The following LRRC71 variants were observed in gnomAD, a reference collection of about 807,000 sequenced individuals.
LRRC71 encodes leucine-rich repeat-containing protein 71.
In LRRC71, 54 loss-of-function variants were observed where a neutral mutation model predicts 66.6. The ratio of observed to expected loss-of-function variants is 0.81; its 90% CI spans 0.65 to 1.02. LRRC71 has a LOEUF of 1.02. Ranked by LOEUF, LRRC71 falls within the 50% of genes least tolerant of loss-of-function variation. LRRC71 has a pLI of 0.00. For synonymous variants in LRRC71, 323 were observed against 303.9 expected, an observed-to-expected ratio of 1.06 and a Z score of -0.65; for missense variants, 724 against 718.0, an observed-to-expected ratio of 1.01 and a Z score of -0.10.
chr1:156,930,884 C>G (rs1431065383), intron 12 of LRRC71, among the ~76,000 whole-genome samples: 1 of 152,232 alleles, frequency 6.6e-6, no homozygotes, highest in Admixed American at 6.5e-5. Flanking sequence ...GATCTGCTGT[C>G]TCAACTCAGC....
intron 13 of LRRC71, 98 bp downstream of exon 13, chr1:156,932,125 C>T: frequency 2.0e-6 from 2 of 988,984 alleles, no homozygotes; most frequent in Admixed American, 2.2e-5. Context: ...CAGAGCTGGT[C>T]CTCCCATCTT....
At chr1:156,932,212 G>A (rs903084736) in intron 13 of LRRC71, 185 bp downstream of exon 13, 9 of 663,498 alleles carry the variant, frequency 1.4e-5, no homozygotes, top group Non-Finnish European at 2.1e-5. Flanking sequence ...GGAGGAGGCT[G>A]AGGACAGGCG....
rs145905660 is a variant in LRRC71 at position 156,924,694 on chromosome 1, C to G, written c.491C>G (p.Pro164Arg). 2.6e-6 allele frequency: 4 copies of G among 1,551,580 alleles called. No individual in the cohort carries two copies. The highest frequency in any genetic ancestry group is 2.4e-5 in the East Asian group (1 of 40,918). ...GGTGTCTTCTCTAAATGTCTGCCCC[C>G]GCTTACCCAGCTACAGGCCATCAAG... is the stretch of plus-strand genomic sequence containing the variant. ...ILGVFSKCLP[P>R]LTQLQAINLW... Residue 164 changes from proline to arginine, a missense_variant, in exon 4 of 15, where the codon CCG (proline) becomes CGG (arginine). Physicochemically the swap from Pro to Arg is moderately radical, Grantham distance 103. Coordinates refer to ENST00000337428, the MANE Select transcript of LRRC71 (RefSeq NM_144702.3).
chr1:156,934,828 A>G (rs1191395323), downstream of LRRC71: 1 of 151,776 alleles, frequency 6.6e-6, no homozygotes, highest in African/African-American at 2.4e-5. Context: ...CAAGAAACAC[A>G]CACACCACCA....
chr1:156,930,786 C>A (rs576566999), intron 12 of LRRC71, among the ~76,000 whole-genome samples, 169 bp downstream of exon 12: 1 of 152,310 alleles, frequency 6.6e-6, no homozygotes, highest in South Asian at 2.1e-4. Context: ...TCACCTGAAA[C>A]CCCCTCCCAT....
intron 4 of LRRC71, 43 bp from the exon 5 acceptor site, chr1:156,924,895 G>C (rs1356231775): frequency 5.2e-6 from 8 of 1,548,338 alleles, no homozygotes; most frequent in Admixed American, 3.9e-5. Context: ...CAGTAGGAGG[G>C]GGCGCTCTAG....
chr1:156,926,569 C>T (rs1387417957), intron 5 of LRRC71, among the ~76,000 whole-genome samples: 2 of 135,112 alleles, frequency 1.5e-5, no homozygotes, highest in Non-Finnish European at 3.1e-5. Flanking sequence ...TCCACCCCAC[C>T]CCCCACCTCT....
chr1:156,932,763 C>T (rs1333167057), intron 14 of LRRC71, 90 bp from the exon 15 acceptor site: 2 of 1,320,008 alleles, frequency 1.5e-6, no homozygotes, highest in Non-Finnish European at 2.1e-6. Flanking sequence ...CAGCCCCTAA[C>T]CCACCCTGCC....
chr1:156,935,133 G>A (rs890932067), downstream of LRRC71: 2 of 152,486 alleles, frequency 1.3e-5, no homozygotes, highest in East Asian at 1.9e-4. Context: ...CCACCTCCTG[G>A]GGCCCAGTCC....
downstream of LRRC71, among the ~76,000 whole-genome samples, chr1:156,936,493 AAAAAATATATATATAT>A (rs1196893313): frequency 4.8e-5 from 3 of 62,420 alleles, no homozygotes; most frequent in African/African-American, 2.1e-4. Context: ...AAAAAAAAAA[AAAAAATATATATATAT>A]ATATATATAT....
chr1:156,934,583 CTATATA>C (rs1202290482), downstream of LRRC71, among the ~76,000 whole-genome samples: 1 of 151,414 alleles, frequency 6.6e-6, no homozygotes, highest in East Asian at 1.9e-4. Flanking sequence ...ATATATGTAT[CTATATA>C]TATATCTGTG....
chr1:156,927,255 T>G lies in LRRC71; in HGVS notation c.647T>G (p.Met216Arg), dbSNP rs747725299. 14 of 1,613,684 alleles carry G rather than the reference T, an allele frequency of 8.7e-6. No homozygotes were observed. In the East Asian group the frequency reaches 3.1e-4, roughly 36 times the overall value. Residue 216 changes from methionine (M) to arginine (R), a missense_variant, in exon 6 of 15, where the codon ATG becomes AGG. Coordinates refer to ENST00000337428, the MANE Select transcript of LRRC71 (RefSeq NM_144702.3). ...PLPEQSYHKL[M>R]ALDSTIAHLS... Reference sequence around the variant, plus strand: ...CCGGAGCAGTCCTATCACAAGCTCATGGCCTTGGACAGCACGTGAGACTCC... The same window carrying G: ...CCGGAGCAGTCCTATCACAAGCTCAGGGCCTTGGACAGCACGTGAGACTCC...
At chr1:156,940,354 C>T in the LRRC71 span, 1 of 1,613,706 alleles carries the variant, frequency 6.2e-7, no homozygotes, top group African/African-American at 1.3e-5. Context: ...TCTTCCTCTG[C>T]ACTGCCCTCC....
chr1:156,924,776 G>T, intron 4 of LRRC71, 58 bp downstream of exon 4: 2 of 1,541,278 alleles, frequency 1.3e-6, no homozygotes, highest in Non-Finnish European at 1.8e-6. Flanking sequence ...GCTCCTGGTG[G>T]CTTGGGAGAG....
At chr1:156,937,868 G>A (rs996082380), downstream of LRRC71, among the ~76,000 whole-genome samples, 6 of 152,210 alleles carry the variant, frequency 3.9e-5, no homozygotes. Flanking sequence ...CTCTTGCCCT[G>A]CCTGACTCCA....
chr1:156,936,489 A>ATATATATATATATATAT (rs1235714151), downstream of LRRC71, among the ~76,000 whole-genome samples: 2 of 77,140 alleles, frequency 2.6e-5, no homozygotes, highest in African/African-American at 1.2e-4. Flanking sequence ...AGAAAAAAAA[A>ATATATATATATATATAT]AAAAAAAAAT....
chr1:156,922,193 CA>C (rs1410419605), intron 1 of LRRC71, among the ~76,000 whole-genome samples: 1 of 152,038 alleles, frequency 6.6e-6, no homozygotes, highest in East Asian at 1.9e-4. Context: ...GATGTTCTGG[CA>C]TAATTAAGTC....
chr1:156,928,563 C>CTT lies in LRRC71; in HGVS notation c.996+581_996+582dup, dbSNP rs58180096. ...CTTCCTTTCTTCTTTCTTCTTCTTACTTTTTTTTTTTTTTTTTTTTTTTGG... is the reference window on the plus strand; with the variant it reads ...CTTCCTTTCTTCTTTCTTCTTCTTACTTTTTTTTTTTTTTTTTTTTTTTTTGG... On this transcript the variant is annotated intron_variant, in intron 9 of 14. Transcript: ENST00000337428. Among the ~76,000 whole-genome samples the CTT allele has an allele frequency of 7.4e-3, 594 of 80,210 alleles. 11 individuals carry two copies. The highest frequency in any genetic ancestry group is 9.7e-3 in the Admixed American group (56 of 5,762). The allele number at this position is 80,210 out of a possible 152,430, so 52.6% of individuals were successfully genotyped here.
intron 7 of LRRC71, 35 bp downstream of exon 7, chr1:156,927,690 AGG>A (rs1653428050): frequency 1.2e-6 from 2 of 1,606,706 alleles, no homozygotes; most frequent in African/African-American, 2.7e-5. Flanking sequence ...TGCTGGGAGC[AGG>A]GGCGGCTTGG....
Sources: allele counts gnomAD v4.1 joint callset (sites outside exome capture counted in the v4.1 genomes callset), GRCh38; gene constraint gnomAD v4.1.1; transcripts MANE v1.5; gene names NCBI Gene and HGNC (gene_info 2026-07-23, HGNC 2026-07-21).